The following PCDHGA4 variants were observed in gnomAD, a reference collection of about 807,000 sequenced individuals.
PCDHGA4 encodes protocadherin gamma-A4.
In PCDHGA4, 38 loss-of-function variants were observed where a neutral mutation model predicts 54.6. That is an observed-to-expected ratio of 0.70 (90% CI 0.54 to 0.91). PCDHGA4 has a LOEUF of 0.91. Ranked by LOEUF, PCDHGA4 falls within the 40% of genes least tolerant of loss-of-function variation. The pLI, the probability that PCDHGA4 is intolerant of heterozygous loss-of-function variation, is 0.00. For missense variants in PCDHGA4, 1,298 were observed against 1,220.9 expected (o/e 1.06, Z -0.94); for synonymous variants, 511 against 512.9 (o/e 1.00, Z 0.05).
At chr5:141,478,963 A>G (rs193236728) in intron 1 of PCDHGA4, among the ~76,000 whole-genome samples, 5 of 152,322 alleles carry the variant, frequency 3.3e-5, no homozygotes, top group East Asian at 1.9e-4. Context: ...TCATTCCTCC[A>G]CCTTTCAAGT....
Position 141,486,390 on chromosome 5 carries a change from C to G in PCDHGA4, c.2515-8417C>G. 6.2e-7 allele frequency: 1 copy of G among 1,614,138 alleles called. No individual in the cohort carries two copies. The highest frequency in any genetic ancestry group is 8.5e-7 in the Non-Finnish European group (1 of 1,179,996). Reference sequence around the variant, plus strand: ...AAGTCTGCCTTCAGGAACCAGTTCTCCCTGGTGACTGCTGGACCCTTGGAT... The same window carrying G: ...AAGTCTGCCTTCAGGAACCAGTTCTGCCTGGTGACTGCTGGACCCTTGGAT... On this transcript the variant is annotated intron_variant, in intron 1 of 3. Coordinates refer to ENST00000571252, the MANE Select transcript of PCDHGA4 (RefSeq NM_018917.4). This position sits in a 1 kb window ranked among gnomAD's most constrained non-coding sequence, Gnocchi z 5.0.
At chr5:141,460,331 A>T (rs537463160) in intron 1 of PCDHGA4, among the ~76,000 whole-genome samples, 3 of 152,212 alleles carry the variant, frequency 2.0e-5, no homozygotes, top group African/African-American at 7.2e-5. Flanking sequence ...AAAACTTATG[A>T]TGATTTTCTC....
chr5:141,389,850 GC>G (rs757946267), intron 1 of PCDHGA4: 1 of 1,614,070 alleles, frequency 6.2e-7, no homozygotes, highest in Non-Finnish European at 8.5e-7. Context: ...CTCGGCCACT[GC>G]CACGTTGCAC....
chr5:141,382,342 T>A (rs1481008486), intron 1 of PCDHGA4, among the ~76,000 whole-genome samples: 1 of 152,250 alleles, frequency 6.6e-6, no homozygotes, highest in East Asian at 1.9e-4. Context: ...GTAAAATCTT[T>A]CATATGTATT....
chr5:141,451,521 TAAAGG>T (rs1187561043), intron 1 of PCDHGA4, among the ~76,000 whole-genome samples: 1 of 152,148 alleles, frequency 6.6e-6, no homozygotes, highest in Non-Finnish European at 1.5e-5. Context: ...TTAGAGCAAG[TAAAGG>T]AGAGTGCCAG....
In PCDHGA4 at chr5:141,489,948, T is replaced by C; in HGVS notation, c.2515-4859T>C. 2 of 1,614,210 alleles carry C rather than the reference T, an allele frequency of 1.2e-6. No individual in the cohort carries two copies. Among genetic ancestry groups the C allele is most frequent in the Non-Finnish European group, 1.7e-6 (2 of 1,180,030 alleles). On this transcript the variant is annotated intron_variant, in intron 1 of 3. Coordinates refer to ENST00000571252, the MANE Select transcript of PCDHGA4 (RefSeq NM_018917.4). The surrounding 1 kb of genome is among the most constrained non-coding windows in gnomAD (Gnocchi z 4.5). ...TCTCTGTCATCGTGCTGGACATCAA[T>C]GATAATGCTCCAACCTTCCAATCCT...
chr5:141,409,130 G>A, intron 1 of PCDHGA4: 1 of 1,613,994 alleles, frequency 6.2e-7, no homozygotes, highest in South Asian at 1.1e-5. Context: ...ATTTGATTTT[G>A]AAGATGTAGA....
At chr5:141,406,436 T>C (rs1207276044) in intron 1 of PCDHGA4, among the ~76,000 whole-genome samples, 3 of 152,234 alleles carry the variant, frequency 2.0e-5, no homozygotes, top group Non-Finnish European at 4.4e-5. Context: ...TTGCTTCTAT[T>C]CTTCCATTTC....
At chr5:141,478,559 A>T (rs938780510) in intron 1 of PCDHGA4, 1 of 1,599,454 alleles carries the variant, frequency 6.3e-7, no homozygotes, top group Non-Finnish European at 8.5e-7. Context: ...AAGGTTTAGC[A>T]AGTCATGCTT....
intron 1 of PCDHGA4, among the ~76,000 whole-genome samples, chr5:141,464,983 C>G (rs1294132264): frequency 6.6e-6 from 1 of 152,050 alleles, no homozygotes; most frequent in African/African-American, 2.4e-5. Flanking sequence ...TTCAAGTGAT[C>G]CTCCCACCTC....
chr5:141,424,084 A>G, intron 1 of PCDHGA4: 1 of 929,764 alleles, frequency 1.1e-6, no homozygotes, highest in Non-Finnish European at 1.3e-6. Context: ...ATATTCCACC[A>G]TTATTTGCTA....
At position 141,360,059 on chromosome 5, in the gene PCDHGA4, A is replaced by G. The variant is rs568145843; in HGVS notation, c.2514+2438A>G. ...GGAAACAGAAAACAAAAGCAGGAAA[A>G]GTGACCTTAGCCCGGATTCTGCCAT... On this transcript the variant is annotated intron_variant, in intron 1 of 3. Coordinates refer to ENST00000571252, the MANE Select transcript of PCDHGA4 (RefSeq NM_018917.4). The G allele has an allele frequency of 1.4e-5, 20 of 1,450,538 alleles. No individual in the cohort carries two copies. In the Admixed American group the frequency reaches 3.3e-4, roughly 24 times the overall value. The allele number at this position is 1,450,538 out of a possible 1,614,324, so 89.9% of individuals were successfully genotyped here.
At chr5:141,416,210 A>G (rs1264276644) in intron 1 of PCDHGA4, 2 of 152,420 alleles carry the variant, frequency 1.3e-5, no homozygotes, top group African/African-American at 4.8e-5. Flanking sequence ...TATTTATAAC[A>G]ATGTATGCTT....
At chr5:141,375,806 G>A in intron 1 of PCDHGA4, 1 of 1,614,206 alleles carries the variant, frequency 6.2e-7, no homozygotes, top group Non-Finnish European at 8.5e-7. Context: ...TTCCACTGGC[G>A]TGGAGCTGGC....
chr5:141,399,202 G>T, intron 1 of PCDHGA4: 1 of 1,613,914 alleles, frequency 6.2e-7, no homozygotes, highest in Non-Finnish European at 8.5e-7. Context: ...CGCGGTGCCT[G>T]GAACACTAAT....
intron 1 of PCDHGA4, chr5:141,384,779 G>T (rs1252058358): frequency 6.2e-7 from 1 of 1,613,592 alleles, no homozygotes; most frequent in Non-Finnish European, 8.5e-7. Context: ...GGCGAGGTGC[G>T]CACGGCTCGG....
chr5:141,418,313 A>G (rs750036471), intron 1 of PCDHGA4: 2 of 1,614,038 alleles, frequency 1.2e-6, no homozygotes, highest in Middle Eastern at 1.6e-4. Context: ...GGGGATGGGA[A>G]CAATTCTTGA....
At chr5:141,374,130 T>TCG (rs767453830) in intron 1 of PCDHGA4, 3 of 1,604,204 alleles carry the variant, frequency 1.9e-6, no homozygotes, top group Non-Finnish European at 2.6e-6. Flanking sequence ...CAGGTCCTGC[T>TCG]CCTCACGCTC....
rs1006751011 is a variant in PCDHGA4, at chr5:141,431,033, C to T, written c.2515-63774C>T. ...CTTGGTCACGGCGGGCAGGATAGAC[C>T]GGGAGGAGCTCTGTATGGGGGCCAT... On this transcript the variant is annotated intron_variant, in intron 1 of 3. Coordinates refer to ENST00000571252, the MANE Select transcript of PCDHGA4 (RefSeq NM_018917.4). This position sits in a 1 kb window ranked among gnomAD's most constrained non-coding sequence, Gnocchi z 4.8. 1.2e-6 allele frequency: 2 copies of T among 1,613,864 alleles called. No homozygotes were observed. The highest frequency in any genetic ancestry group is 1.3e-5 in the African/African-American group (1 of 74,924).
Sources: allele counts gnomAD v4.1 joint callset (sites outside exome capture counted in the v4.1 genomes callset), GRCh38; gene constraint gnomAD v4.1.1; non-coding constraint Gnocchi (gnomAD v3.1); transcripts MANE v1.5; gene names NCBI Gene and HGNC (gene_info 2026-07-23, HGNC 2026-07-21).